The following GADL1 variants were observed in gnomAD, a reference collection of about 807,000 sequenced individuals.
GADL1 encodes GAD like acidic amino acid decarboxylase 1.
A neutral mutation model predicts 69.5 loss-of-function variants in GADL1; 71 were observed. The observed-to-expected ratio is 1.02, with a 90% confidence interval of 0.84 to 1.25. The LOEUF (loss-of-function observed/expected upper bound fraction) is 1.25. Ranked by LOEUF, GADL1 falls within the 50% of genes most tolerant of loss-of-function variation. The pLI is 0.00. For synonymous variants in GADL1, 254 were observed against 214.4 expected, an observed-to-expected ratio of 1.18 and a Z score of -1.62; for missense variants, 737 against 631.8, an observed-to-expected ratio of 1.17 and a Z score of -1.79.
chr3:30,851,407 C>T (rs900435428), intron 4 of GADL1, among the ~76,000 whole-genome samples: 26 of 152,270 alleles, frequency 1.7e-4, no homozygotes, highest in East Asian at 3.9e-4. Context: ...TCCACCTGAA[C>T]CAGGGCTTCC....
At chr3:30,820,920 C>A (rs1427557483) in intron 11 of GADL1, among the ~76,000 whole-genome samples, 1 of 151,784 alleles carries the variant, frequency 6.6e-6, no homozygotes, top group Admixed American at 6.6e-5. Context: ...TTGGAACCAA[C>A]CCAAATGTCC....
At chr3:30,785,765 A>G (rs939372745) in intron 13 of GADL1, among the ~76,000 whole-genome samples, 10 of 152,222 alleles carry the variant, frequency 6.6e-5, no homozygotes, top group Admixed American at 3.3e-4. Flanking sequence ...TACATATACT[A>G]TAACAAAATC....
chr3:30,837,873 C>T (rs189168706), intron 9 of GADL1, among the ~76,000 whole-genome samples: 69 of 152,182 alleles, frequency 4.5e-4, no homozygotes, highest in African/African-American at 1.6e-3. Flanking sequence ...TAACGAGTCA[C>T]GGATAATCTA....
chr3:30,741,668 G>T (rs1182922943), intron 14 of GADL1, among the ~76,000 whole-genome samples: 7 of 152,070 alleles, frequency 4.6e-5, no homozygotes, highest in African/African-American at 1.7e-4. Context: ...TAATTATTAT[G>T]ATTAGAATTA....
chr3:30,892,697 C>T (rs891313622), intron 1 of GADL1, among the ~76,000 whole-genome samples: 1 of 152,044 alleles, frequency 6.6e-6, no homozygotes, highest in Non-Finnish European at 1.5e-5. Context: ...TGCTATATGG[C>T]TTTAAAACAA....
chr3:30,815,788 T>A (rs1377774065), intron 11 of GADL1, among the ~76,000 whole-genome samples: 2 of 152,214 alleles, frequency 1.3e-5, no homozygotes. Context: ...TGTTACGGCT[T>A]TACAATTCAG....
chr3:30,838,662 A>G (rs1234806602), intron 9 of GADL1, among the ~76,000 whole-genome samples: 1 of 152,184 alleles, frequency 6.6e-6, no homozygotes, highest in African/African-American at 2.4e-5. Context: ...GAAGAGGCAG[A>G]TCAGAATTTC....
At chr3:30,878,644 T>C (rs1250119595) in intron 1 of GADL1, among the ~76,000 whole-genome samples, 1 of 151,868 alleles carries the variant, frequency 6.6e-6, no homozygotes, top group Non-Finnish European at 1.5e-5. Context: ...AGACCCAGCT[T>C]TGAACATATT....
Position 30,877,898 on chromosome 3 carries a change from A to T in GADL1, c.38-16133T>A, listed in dbSNP as rs547991110. ...CTTGCTGTCATCAAGTAATTTAGAT[A>T]GTTGCTCTACAATATTTAACATGAA... On this transcript the variant is annotated intron_variant, in intron 1 of 14. Transcript: ENST00000282538. 2.6e-5 allele frequency among the ~76,000 whole-genome samples: 4 copies of T among 152,100 alleles called. 1 individual carries two copies. The South Asian group carries it at 8.3e-4, about 32-fold the overall frequency.
At position 30,753,395 on chromosome 3, in the gene GADL1, C is replaced by T. The variant is rs181085540; in HGVS notation, c.1392+24784G>A. The stretch of plus-strand genomic sequence containing the variant: ...CCATGGCAGGTTTGTGCATAATTTG[C>T]ATTTTGCTTATTTACCTTGGTTGAG... On this transcript the variant is annotated intron_variant, in intron 14 of 14. Transcript: ENST00000282538. 2.0e-5 allele frequency among the ~76,000 whole-genome samples: 3 copies of T among 152,190 alleles called. No homozygotes were observed. In the East Asian group the frequency reaches 5.8e-4, roughly 29 times the overall value.
At chr3:30,873,172 G>A (rs780142638) in intron 1 of GADL1, among the ~76,000 whole-genome samples, 1 of 151,784 alleles carries the variant, frequency 6.6e-6, no homozygotes, top group Non-Finnish European at 1.5e-5. Context: ...TTGTAGTGTG[G>A]CATAAATGAA....
chr3:30,818,292 TAAAAGC>T (rs1426700986), intron 11 of GADL1, among the ~76,000 whole-genome samples: 4 of 152,206 alleles, frequency 2.6e-5, no homozygotes, highest in Non-Finnish European at 4.4e-5. Context: ...CGTGAGAACT[TAAAAGC>T]AAATATAATT....
chr3:30,794,992 G>A (rs917044155), intron 12 of GADL1, among the ~76,000 whole-genome samples: 1 of 152,174 alleles, frequency 6.6e-6, no homozygotes, highest in Admixed American at 6.5e-5. Flanking sequence ...TTAGAGACCT[G>A]ACCCTAGGGC....
intron 11 of GADL1, among the ~76,000 whole-genome samples, chr3:30,812,800 T>C (rs539274469): frequency 1.3e-5 from 2 of 152,214 alleles, no homozygotes; most frequent in Non-Finnish European, 2.9e-5. Context: ...CTGGGATCCA[T>C]TTGAGGCCCT....
chr3:30,757,974 T>C (rs1177591782), intron 14 of GADL1, among the ~76,000 whole-genome samples: 3 of 152,174 alleles, frequency 2.0e-5, no homozygotes, highest in Admixed American at 2.0e-4. Flanking sequence ...TACCATGGTG[T>C]TTATTCATTA....
intron 1 of GADL1, among the ~76,000 whole-genome samples, chr3:30,867,775 C>T (rs1698425101): frequency 6.6e-6 from 1 of 151,904 alleles, no homozygotes; most frequent in South Asian, 2.1e-4. Flanking sequence ...AGACGAATTA[C>T]TGTACTTGGG....
At chr3:30,806,996 C>G (rs142398249) in intron 11 of GADL1, among the ~76,000 whole-genome samples, 4 of 152,310 alleles carry the variant, frequency 2.6e-5, no homozygotes, top group Non-Finnish European at 5.9e-5. Flanking sequence ...GATTTAGTTA[C>G]TTGGTGTCAG....
At chr3:30,835,477 C>T (rs75068512) in intron 9 of GADL1, among the ~76,000 whole-genome samples, 1 of 151,926 alleles carries the variant, frequency 6.6e-6, no homozygotes, top group Non-Finnish European at 1.5e-5. Flanking sequence ...AAAATTTGGG[C>T]CCATTGGTAG....
At chr3:30,798,701 A>G (rs779312544) in intron 12 of GADL1, 2 of 152,184 alleles carry the variant, frequency 1.3e-5, no homozygotes, top group African/African-American at 4.8e-5. Flanking sequence ...TTAACCCAAA[A>G]GTCCACAGTC....
Sources: gnomAD v4.1 joint callset for allele counts (sites outside exome capture counted in the v4.1 genomes callset) on GRCh38, gnomAD v4.1.1 for gene constraint, MANE v1.5 for transcripts, NCBI Gene and HGNC (gene_info 2026-07-23, HGNC 2026-07-21) for gene names.